The following SEPTIN2 variants were observed in gnomAD, a reference collection of about 807,000 sequenced individuals.
SEPTIN2 encodes the protein septin 2.
SEPTIN2 carries 34 observed loss-of-function variants against 46.5 expected under a neutral mutation model. The ratio of observed to expected loss-of-function variants is 0.73; its 90% CI spans 0.56 to 0.97. SEPTIN2 has a LOEUF of 0.97. Among genes scored for constraint, SEPTIN2 ranks in the 50% least tolerant of loss-of-function variants. The pLI, the probability that SEPTIN2 is intolerant of heterozygous loss-of-function variation, is 0.00. For synonymous variants in SEPTIN2, 175 were observed against 153.4 expected, an observed-to-expected ratio of 1.14 and a Z score of -1.04; for missense variants, 347 against 448.4, an observed-to-expected ratio of 0.77 and a Z score of 2.04.
intron 1 of SEPTIN2, among the ~76,000 whole-genome samples, chr2:241,321,237 A>G (rs1406140737): frequency 6.6e-6 from 1 of 152,108 alleles, no homozygotes; most frequent in Non-Finnish European, 1.5e-5. Context: ...TCCGGTTCTC[A>G]GAGAACTCTA....
At position 241,348,211 on chromosome 2, in the gene SEPTIN2, T is replaced by C. The variant is rs1004858867; in HGVS notation, c.984+20T>C. The C allele has an allele frequency of 3.8e-6, 6 of 1,576,266 alleles. No homozygotes were observed. In the African/African-American group the frequency reaches 8.1e-5, roughly 21 times the overall value. ...GCTGAGGTAAGTAGGAAAGTACTAT[T>C]GGTTGGTTGGTTGGTTGGTTGTTTT... On this transcript the variant is annotated intron_variant, in intron 11 of 12. Coordinates refer to ENST00000391971, the MANE Select transcript of SEPTIN2 (RefSeq NM_004404.5).
chr2:241,327,357 G>A (rs983863647), intron 3 of SEPTIN2, among the ~76,000 whole-genome samples: 3 of 151,586 alleles, frequency 2.0e-5, no homozygotes, highest in Non-Finnish European at 4.4e-5. Flanking sequence ...AAGCCTGACA[G>A]CACATTATAC....
chr2:241,326,922 A>G (rs1484182158), intron 3 of SEPTIN2, among the ~76,000 whole-genome samples: 1 of 151,998 alleles, frequency 6.6e-6, no homozygotes, highest in East Asian at 1.9e-4. Context: ...GAAAATATGA[A>G]AACTAGCCAG....
rs1306316125 is a variant in SEPTIN2, at chr2:241,331,254, A to G, written c.131-3872A>G. Among the ~76,000 whole-genome samples, 7 of 152,272 alleles carry G rather than the reference A, an allele frequency of 4.6e-5. No homozygotes were observed. The East Asian group carries it at 1.3e-3, about 29-fold the overall frequency. ...ACAGTACCACTTAACAGTCACAAAA[A>G]ATATTGTTCAGAGATAAATTTAACA... is the stretch of plus-strand genomic sequence containing the variant. On this transcript the variant is annotated intron_variant, in intron 3 of 12. Coordinates refer to ENST00000391971, the MANE Select transcript of SEPTIN2 (RefSeq NM_004404.5).
chr2:241,335,137 C>G lies in SEPTIN2; in HGVS notation c.142C>G (p.Leu48Val), dbSNP rs1164220458. ...FTLMVVGESG[L>V]GKSTLINSLF... ...CTTTTTATTTAAAGGTGAATCAGGT[C>G]TAGGAAAATCGACTCTCATAAACAG... Residue 48 changes from leucine to valine, a missense_variant, in exon 4 of 13, where the codon CTA becomes GTA. Transcript: ENST00000391971. 1 of 1,610,716 alleles carries G rather than the reference C, an allele frequency of 6.2e-7. No homozygotes were observed. Among genetic ancestry groups the G allele is most frequent in the Non-Finnish European group, 8.5e-7 (1 of 1,177,164 alleles).
chr2:241,333,117 G>A (rs2079287176), intron 3 of SEPTIN2, among the ~76,000 whole-genome samples: 1 of 152,166 alleles, frequency 6.6e-6, no homozygotes, highest in African/African-American at 2.4e-5. Context: ...GTGCCTCAAA[G>A]TGGCTTTAAA....
chr2:241,343,647 T>C, intron 8 of SEPTIN2, 105 bp from the exon 9 acceptor site: 3 of 1,280,160 alleles, frequency 2.3e-6, no homozygotes, highest in South Asian at 1.4e-5. Flanking sequence ...AATTCAGTTT[T>C]GTAGTCAACA....
chr2:241,333,654 C>G (rs958228396), intron 3 of SEPTIN2, among the ~76,000 whole-genome samples: 2 of 151,818 alleles, frequency 1.3e-5, no homozygotes, highest in Non-Finnish European at 2.9e-5. Flanking sequence ...CAGGCGCCCG[C>G]CACCACGCCC....
At chr2:241,318,374 A>G (rs991308077) in intron 1 of SEPTIN2, 1 of 152,196 alleles carries the variant, frequency 6.6e-6, no homozygotes, top group African/African-American at 2.4e-5. Flanking sequence ...TATCCTCAGC[A>G]TTGGCATTTA....
At chr2:241,332,151 TTTC>T (rs148007102) in intron 3 of SEPTIN2, among the ~76,000 whole-genome samples, 16,858 of 152,204 alleles carry the variant, frequency 0.11, 1,178 homozygotes, top group Non-Finnish European at 0.15. Flanking sequence ...AGTAAGCAGA[TTTC>T]TTAAGACATG....
chr2:241,343,629 A>G (rs2081561681), intron 8 of SEPTIN2, 123 bp from the exon 9 acceptor site: 6 of 1,053,296 alleles, frequency 5.7e-6, no homozygotes. Flanking sequence ...ACATACCCCC[A>G]GCTTTCCAAT....
rs546853014 is a variant in SEPTIN2, at chr2:241,324,076, C to T, written c.-17-140C>T. 99 of 723,450 alleles carry T rather than the reference C, an allele frequency of 1.4e-4. No individual in the cohort carries two copies. The African/African-American group carries it at 1.6e-3, about 12-fold the overall frequency. The allele number at this position is 723,450 out of a possible 1,614,324, so 44.8% of individuals were successfully genotyped here. On this transcript the variant is annotated intron_variant, in intron 1 of 12. Coordinates refer to ENST00000391971, the MANE Select transcript of SEPTIN2 (RefSeq NM_004404.5). ...TTTGGCCTAATGCATTTGGAAGGTCCTGAAATTGTATTTTCTTTTTACATT... is the reference window on the plus strand; with the variant it reads ...TTTGGCCTAATGCATTTGGAAGGTCTTGAAATTGTATTTTCTTTTTACATT...
chr2:241,320,511 C>T (rs1180184679), intron 1 of SEPTIN2, among the ~76,000 whole-genome samples: 9 of 152,124 alleles, frequency 5.9e-5, no homozygotes, highest in East Asian at 1.9e-4. Flanking sequence ...CCAGCTTTTG[C>T]GGCCAAGCAC....
intron 1 of SEPTIN2, among the ~76,000 whole-genome samples, chr2:241,317,981 T>C (rs2076615318): frequency 6.6e-6 from 1 of 152,174 alleles, no homozygotes; most frequent in Non-Finnish European, 1.5e-5. Context: ...ATCACAGTGC[T>C]TGGCAGTTTG....
chr2:241,316,943 C>T (rs2076405635), intron 1 of SEPTIN2: 1 of 165,122 alleles, frequency 6.1e-6, no homozygotes, highest in East Asian at 1.7e-4. Flanking sequence ...CCTGATGTTC[C>T]AGATGGTATT....
intron 8 of SEPTIN2, among the ~76,000 whole-genome samples, chr2:241,343,450 G>C (rs946730638): frequency 1.3e-5 from 2 of 151,620 alleles, no homozygotes; most frequent in Non-Finnish European, 2.9e-5. Context: ...AGTGAGCCGA[G>C]ATCGCGCCTC....
Position 241,326,131 on chromosome 2 carries a change from A to G in SEPTIN2, c.130+18A>G, listed in dbSNP as rs374419225. On this transcript the variant is annotated intron_variant, in intron 3 of 12. Coordinates refer to ENST00000391971, the MANE Select transcript of SEPTIN2 (RefSeq NM_004404.5). ...GGTGGTCGGTAAGAAATTAATCTATAGTCTCCAACTTACTAAATAAATATC... is the reference window on the plus strand; with the variant it reads ...GGTGGTCGGTAAGAAATTAATCTATGGTCTCCAACTTACTAAATAAATATC... 6.4e-5 allele frequency: 102 copies of G among 1,603,594 alleles called. 1 individual carries two copies. Among genetic ancestry groups the G allele is most frequent in the Non-Finnish European group, 7.8e-5 (92 of 1,174,816 alleles).
intron 3 of SEPTIN2, among the ~76,000 whole-genome samples, chr2:241,328,806 A>T (rs1055555444): frequency 4.6e-5 from 7 of 151,870 alleles, no homozygotes; most frequent in African/African-American, 1.7e-4. Context: ...GGATCACCTG[A>T]GGTGGCAAGT....
intron 3 of SEPTIN2, among the ~76,000 whole-genome samples, chr2:241,329,421 C>A (rs1012988146): frequency 6.6e-6 from 1 of 152,166 alleles, no homozygotes; most frequent in African/African-American, 2.4e-5. Context: ...CTTACACAGA[C>A]ATCTTCATGA....
Sources: gnomAD v4.1 joint callset for allele counts (sites outside exome capture counted in the v4.1 genomes callset) on GRCh38, gnomAD v4.1.1 for gene constraint, MANE v1.5 for transcripts, NCBI Gene and HGNC (gene_info 2026-07-23, HGNC 2026-07-21) for gene names.